The following OPLAH variants were observed in gnomAD, a reference collection of about 807,000 sequenced individuals.
OPLAH encodes the protein 5-oxoprolinase.
In OPLAH, 103 loss-of-function variants were observed where a neutral mutation model predicts 122.8. The ratio of observed to expected loss-of-function variants is 0.84; its 90% CI spans 0.71 to 0.99. The LOEUF is 0.99. Ranked by LOEUF, OPLAH falls within the 50% of genes least tolerant of loss-of-function variation. OPLAH has a pLI of 0.00. For missense variants in OPLAH, 1,902 were observed against 1,836.5 expected (o/e 1.04, Z -0.65); for synonymous variants, 875 against 796.0 (o/e 1.10, Z -1.67).
intron 17 of OPLAH, 29 bp from the exon 18 acceptor site, chr8:144,054,942 GCACAGGGGAGCAGGGGCCAGAGCGGGGT>G: frequency 7.7e-7 from 1 of 1,307,052 alleles, no homozygotes. Context: ...TGCAGAGTGG[GCACAGGGGAGCAGGGGCCAGAGCGGGGT>G]GGGGGGGGGG....
Position 144,057,444 on chromosome 8 carries a change from G to T in OPLAH, c.1422+4C>A. 1.3e-6 allele frequency: 2 copies of T among 1,581,864 alleles called. No homozygotes were observed. Among genetic ancestry groups the T allele is most frequent in the African/African-American group, 2.7e-5 (2 of 74,450 alleles). On this transcript the variant is annotated splice_donor_region_variant and intron_variant, in intron 10 of 26. Coordinates refer to ENST00000618853, the MANE Select transcript of OPLAH (RefSeq NM_017570.5). ...GACAGGCGGGAGAGCAGAGGTGGACGTACCTGCGTGAGTGCACGGATGGGC... is the reference window on the plus strand; with the variant it reads ...GACAGGCGGGAGAGCAGAGGTGGACTTACCTGCGTGAGTGCACGGATGGGC...
In OPLAH at chr8:144,052,876, C is replaced by T. The variant is rs1554758046; in HGVS notation, c.3043G>A (p.Gly1015Ser). The change falls in exon 22 of 27, where the codon GGC (glycine) becomes AGC (serine). Residue 1015 changes from glycine to serine, a missense_variant. By Grantham distance (56) the Gly-to-Ser change is moderately conservative. Coordinates refer to ENST00000618853, the MANE Select transcript of OPLAH (RefSeq NM_017570.5). ...TTACCAAACACCTCCGGCCCAGTGCCGCTGAAGTCAAACACGGCGCTGCCC... is the reference window on the plus strand; with the variant it reads ...TTACCAAACACCTCCGGCCCAGTGCTGCTGAAGTCAAACACGGCGCTGCCC... ...SQGSAVFDFS[G>S]TGPEVFGNLN... 1.9e-6 allele frequency: 3 copies of T among 1,554,912 alleles called. No individual in the cohort carries two copies.
In OPLAH at chr8:144,055,713, G is replaced by C; in HGVS notation, c.2248+75C>G. 3.6e-6 allele frequency: 5 copies of C among 1,403,386 alleles called. No individual in the cohort carries two copies. In the South Asian group the frequency reaches 8.0e-5, roughly 22 times the overall value. 86.9% of individuals were successfully genotyped at this position (1,403,386 alleles called of 1,614,324 possible). On this transcript the variant is annotated intron_variant, in intron 16 of 26. Transcript: ENST00000618853. The surrounding 1 kb of genome is among the most constrained non-coding windows in gnomAD (Gnocchi z 6.5). ...GGGTCCTGCTTCTGCCTCTCCCTTT[G>C]GGCACAGCCCTGCCAGCTACCCCAT...
Position 144,056,748 on chromosome 8 carries a change from T to G in OPLAH, c.1714A>C (p.Ile572Leu), listed in dbSNP as rs1345580762. 1 of 1,605,106 alleles carries G rather than the reference T, an allele frequency of 6.2e-7. No individual in the cohort carries two copies. The highest frequency in any genetic ancestry group is 1.3e-5 in the African/African-American group (1 of 74,764). ...AGGTGCAGGAAGCTCTCAGTGCTGA[T>G]CTGGGACCTGCAGCAGGTGGTTGGG... is the stretch of plus-strand genomic sequence containing the variant. ...LQAQGFPRSQ[I>L]STESFLHLRY... is the part of the protein sequence containing the mutation. Residue 572 changes from isoleucine (I) to leucine (L), a missense_variant, in exon 13 of 27, where the codon ATC (isoleucine) becomes CTC (leucine). Ile to Leu is a conservative substitution (Grantham distance 5). Around this residue, in one of 3 missense-constraint regions of OPLAH, gnomAD observed 1,726 missense variants for 1,642.1 expected, o/e 1.05. Coordinates refer to ENST00000618853, the MANE Select transcript of OPLAH (RefSeq NM_017570.5).
chr8:144,059,260 G>C (rs1835609659), intron 3 of OPLAH, among the ~76,000 whole-genome samples, 181 bp from the exon 4 acceptor site: 1 of 152,202 alleles, frequency 6.6e-6, no homozygotes, highest in Non-Finnish European at 1.5e-5. Flanking sequence ...CCCCTAGGCA[G>C]CTGAGTGCAG....
In OPLAH at chr8:144,058,079, A is replaced by C. The variant is rs2129823089; in HGVS notation, c.1019T>G (p.Val340Gly). 1 of 1,612,468 alleles carries C rather than the reference A, an allele frequency of 6.2e-7. No homozygotes were observed. Among genetic ancestry groups the C allele is most frequent in the South Asian group, 1.1e-5 (1 of 91,084 alleles). ...GTCCAGCTGCGGGGCCTGGAGGGTG[A>C]CGCCAGCTGTGCTGGCCTCGAAGAC... ...EHVFEASTAGVTLQAPQLDIN... is the reference protein window; with the variant it reads ...EHVFEASTAGGTLQAPQLDIN... The change falls in exon 8 of 27, where the codon GTC becomes GGC. Residue 340 changes from valine (V) to glycine (G), a missense_variant. By Grantham distance (109) the Val-to-Gly change is moderately radical (BLOSUM62 -3). Coordinates refer to ENST00000618853, the MANE Select transcript of OPLAH (RefSeq NM_017570.5).
Position 144,059,939 on chromosome 8 carries a change from C to G in OPLAH, c.94G>C (p.Val32Leu). The G allele has an allele frequency of 6.2e-7, 1 of 1,612,802 alleles. No homozygotes were observed. Among genetic ancestry groups the G allele is most frequent in the East Asian group, 2.2e-5 (1 of 44,890 alleles). The part of the protein sequence containing the change: ...FAQCPGGHVR[V>L]LKLLSEDPAN... ...GGGTCCTCTGAGAGCAGTTTTAAGA[C>G]CCGCACGTGCCCCCCTGGGCACTGG... The change falls in exon 2 of 27, where the codon GTC becomes CTC. Residue 32 changes from valine (V) to leucine (L), a missense_variant. Transcript: ENST00000618853.
intron 15 of OPLAH, 48 bp downstream of exon 15, chr8:144,056,099 C>T (rs558973631): frequency 1.3e-5 from 21 of 1,565,852 alleles, no homozygotes; most frequent in Admixed American, 6.9e-5. Context: ...CCAGGGGCCC[C>T]GCAGTGGACC....
intron 25 of OPLAH, 33 bp downstream of exon 25, chr8:144,051,882 CG>C: frequency 2.4e-6 from 1 of 411,190 alleles, no homozygotes; most frequent in Non-Finnish European, 2.8e-6. Flanking sequence ...GGGGCGGGGG[CG>C]GGGAGGGCCG....
At chr8:144,053,593 G>T (rs553643249) in intron 19 of OPLAH, among the ~76,000 whole-genome samples, 200 bp from the exon 20 acceptor site, 1 of 152,086 alleles carries the variant, frequency 6.6e-6, no homozygotes, top group African/African-American at 2.4e-5. Context: ...CCTCTGCAGT[G>T]TGCCTGTGCA....
Position 144,052,509 on chromosome 8 carries a change from G to C in OPLAH, c.3243C>G (p.Leu1081=), listed in dbSNP as rs1044764175. ...TGACATCCACCACGCGCTGCGACGTGAGCACGTTGCCGCCCACCACCGCCG... is the reference window on the plus strand; with the variant it reads ...TGACATCCACCACGCGCTGCGACGTCAGCACGTTGCCGCCCACCACCGCCG... The part of the protein sequence containing the change: ...PEAAVVGGNV[L]TSQRVVDVIL... The change falls in exon 23 of 27, where the codon CTC becomes CTG. Residue 1081 remains leucine (L), a synonymous_variant. Coordinates refer to ENST00000618853, the MANE Select transcript of OPLAH (RefSeq NM_017570.5). 3.2e-6 allele frequency: 5 copies of C among 1,579,496 alleles called. No individual in the cohort carries two copies. Among genetic ancestry groups the C allele is most frequent in the Non-Finnish European group, 3.4e-6 (4 of 1,169,628 alleles).
Position 144,055,750 on chromosome 8 carries a change from C to CA in OPLAH, c.2248+37_2248+38insT. On this transcript the variant is annotated intron_variant, in intron 16 of 26. Coordinates refer to ENST00000618853, the MANE Select transcript of OPLAH (RefSeq NM_017570.5). The surrounding 1 kb of genome is among the most constrained non-coding windows in gnomAD (Gnocchi z 6.5). Reference sequence around the variant, plus strand: ...GCCAGCTACCCCATGACACAGCCGGCGCCTCATCCCACAGGGAGCCTGGCA... The same window carrying CA: ...GCCAGCTACCCCATGACACAGCCGGCAGCCTCATCCCACAGGGAGCCTGGCA... 6.8e-7 allele frequency: 1 copy of CA among 1,467,358 alleles called. No individual in the cohort carries two copies. The highest frequency in any genetic ancestry group is 9.1e-7 in the Non-Finnish European group (1 of 1,102,742). 90.9% of individuals were successfully genotyped at this position (1,467,358 alleles called of 1,614,324 possible). A position where few individuals can be genotyped will look rare whatever the true frequency, so the allele number is the denominator to read the frequency against.
Position 144,058,082 on chromosome 8 carries a change from C to G in OPLAH, c.1016G>C (p.Gly339Ala), listed in dbSNP as rs782320108. Residue 339 changes from glycine to alanine, a missense_variant, in exon 8 of 27, where the codon GGC (glycine) becomes GCC (alanine). This residue lies in a region of OPLAH where 1,726 missense variants were observed against 1,642.1 expected (regional missense o/e 1.05). Transcript: ENST00000618853. Reference protein sequence around the residue: ...FEHVFEASTAGVTLQAPQLDI... With the variant: ...FEHVFEASTAAVTLQAPQLDI... ...CAGCTGCGGGGCCTGGAGGGTGACG[C>G]CAGCTGTGCTGGCCTCGAAGACGTG... is the stretch of plus-strand genomic sequence containing the variant. The G allele has an allele frequency of 6.2e-7, 1 of 1,612,508 alleles. No individual in the cohort carries two copies. Among genetic ancestry groups the G allele is most frequent in the South Asian group, 1.1e-5 (1 of 91,080 alleles).
At chr8:144,051,864 CGGGGGT>C (rs1835385571) in intron 25 of OPLAH, 38 bp from the exon 26 acceptor site, 1 of 215,568 alleles carries the variant, frequency 4.6e-6, no homozygotes, top group Non-Finnish European at 5.3e-6. Context: ...AGACCAGGGG[CGGGGGT>C]GGGGGCGGGG....
At chr8:144,061,815 G>A (rs984105346), upstream of OPLAH, among the ~76,000 whole-genome samples, 2 of 152,210 alleles carry the variant, frequency 1.3e-5, no homozygotes, top group African/African-American at 4.8e-5. Flanking sequence ...GAGGTCAAGA[G>A]ATCAAGACCA....
In OPLAH at chr8:144,055,262, G is replaced by A; in HGVS notation, c.2249-73C>T. 7.0e-7 allele frequency: 1 copy of A among 1,419,590 alleles called. No individual in the cohort carries two copies. Among genetic ancestry groups the A allele is most frequent in the East Asian group, 2.5e-5 (1 of 40,260 alleles). 87.9% of individuals were successfully genotyped at this position (1,419,590 alleles called of 1,614,324 possible). On this transcript the variant is annotated intron_variant, in intron 16 of 26. Transcript: ENST00000618853. The surrounding 1 kb of genome is among the most constrained non-coding windows in gnomAD (Gnocchi z 6.5). ...CTGGCCCCAGGAAAGGGAGGAACAG[G>A]ACCCACCAGGACTCAAACCCAGGAC...
Position 144,056,166 on chromosome 8 carries a change from G to A in OPLAH, c.2077C>T (p.Leu693Phe), listed in dbSNP as rs541758252. 1.2e-6 allele frequency: 2 copies of A among 1,608,710 alleles called. No individual in the cohort carries two copies. The highest frequency in any genetic ancestry group is 3.3e-5 in the Admixed American group (2 of 59,956). The part of the protein sequence containing the change: ...GYGHKLHGPC[L>F]IIDSNSTILV... ...GCCCACCTGTTACTGTCGATGATGA[G>A]GCAGGGCCCATGGAGCTTGTGCCCA... The change falls in exon 15 of 27, where the codon CTC (leucine) becomes TTC (phenylalanine). Residue 693 changes from leucine (L) to phenylalanine (F), a missense_variant. By Grantham distance (22) the Leu-to-Phe change is conservative. Transcript: ENST00000618853.
upstream of OPLAH, among the ~76,000 whole-genome samples, chr8:144,061,951 C>T (rs372835125): frequency 1.6e-4 from 23 of 146,544 alleles, no homozygotes; most frequent in Admixed American, 2.1e-4. Context: ...ACCCAGGAGG[C>T]GGAGCTTGCA....
Position 144,052,303 on chromosome 8 carries a change from C to T in OPLAH, c.3327G>A (p.Leu1109=), listed in dbSNP as rs1482664128. 1.6e-5 allele frequency: 25 copies of T among 1,530,506 alleles called. No homozygotes were observed. The highest frequency in any genetic ancestry group is 2.1e-5 in the Non-Finnish European group (24 of 1,143,564). The allele number at this position is 1,530,506 out of a possible 1,614,324, so 94.8% of individuals were successfully genotyped here. A position where few individuals can be genotyped will look rare whatever the true frequency, so the allele number is the denominator to read the frequency against. Reference sequence around the variant, plus strand: ...CGTAGTAGCCCATGTGGGCGTTGCCCAGGGTCACGTTGTTCATGCAGCCCT... The same window carrying T: ...CGTAGTAGCCCATGTGGGCGTTGCCTAGGGTCACGTTGTTCATGCAGCCCT... The part of the protein sequence containing the change: ...ASQGCMNNVT[L]GNAHMGYYET... The change falls in exon 24 of 27, where the codon CTG becomes CTA. Residue 1109 remains leucine, a synonymous_variant. Coordinates refer to ENST00000618853, the MANE Select transcript of OPLAH (RefSeq NM_017570.5).
Sources: gnomAD v4.1 joint callset for allele counts (sites outside exome capture counted in the v4.1 genomes callset) on GRCh38, gnomAD v4.1.1 for gene constraint, gnomAD v4.1.1 regional missense constraint, Gnocchi (gnomAD v3.1) non-coding constraint, MANE v1.5 for transcripts, NCBI Gene and HGNC (gene_info 2026-07-23, HGNC 2026-07-21) for gene names.